CTNNA3: variants seen among roughly 807,000 people sequenced by gnomAD.
CTNNA3 encodes the protein catenin alpha-3.
A neutral mutation model predicts 95.7 loss-of-function variants in CTNNA3; 76 were observed. That is an observed-to-expected ratio of 0.79 (90% CI 0.66 to 0.96). The LOEUF (loss-of-function observed/expected upper bound fraction) is 0.96, where lower values mean the gene tolerates loss of function less well. CTNNA3 is among the 40% of genes least tolerant of loss of function. The probability of loss-of-function intolerance (pLI) is 0.00; values close to 1 mark genes in which losing one functional copy is unlikely to be tolerated. For missense variants in CTNNA3, 1,191 were observed against 1,089.8 expected (o/e 1.09, Z -1.31); for synonymous variants, 431 against 374.4 (o/e 1.15, Z -1.74).
intron 9 of CTNNA3, among the ~76,000 whole-genome samples, chr10:66,707,450 C>T (rs9633545): frequency 0.032 from 4,907 of 151,818 alleles, 210 homozygotes; most frequent in East Asian, 0.22. Flanking sequence ...GGGCAGGGCT[C>T]CCTCTTACAC....
At chr10:66,374,576 G>A (rs1444506424) in intron 12 of CTNNA3, among the ~76,000 whole-genome samples, 2 of 135,844 alleles carry the variant, frequency 1.5e-5, no homozygotes, top group Non-Finnish European at 3.2e-5. Context: ...TTTTTCTCCT[G>A]TAGCTCATAT....
At chr10:67,019,976 G>C (rs1852896663) in intron 7 of CTNNA3, among the ~76,000 whole-genome samples, 1 of 149,502 alleles carries the variant, frequency 6.7e-6, no homozygotes. Context: ...TACCTCACCT[G>C]TGATGCATTT....
In CTNNA3 at chr10:66,331,740, C is replaced by A. The variant is rs1277644462; in HGVS notation, c.1732+47412G>T. Among the ~76,000 whole-genome samples the A allele has an allele frequency of 1.3e-5, 2 of 151,864 alleles. 1 individual carries two copies. Among genetic ancestry groups the A allele is most frequent in the Non-Finnish European group, 2.9e-5 (2 of 67,922 alleles). On this transcript the variant is annotated intron_variant, in intron 12 of 17. Transcript: ENST00000433211. The stretch of plus-strand genomic sequence containing the variant: ...TAGTTTGAAGTCAGGTAGCGTGATG[C>A]CTCTGGCTTTGTTCTTTTGGCTTAG...
At chr10:66,685,327 A>G (rs1005715834) in intron 9 of CTNNA3, among the ~76,000 whole-genome samples, 1,190 of 14,732 alleles carry the variant, frequency 0.081, 49 homozygotes, top group African/African-American at 0.21. Flanking sequence ...GTATGTGTGT[A>G]TATATATATA....
At chr10:67,233,043 C>T (rs1021691322) in intron 5 of CTNNA3, among the ~76,000 whole-genome samples, 9 of 152,200 alleles carry the variant, frequency 5.9e-5, no homozygotes, top group African/African-American at 1.7e-4. Context: ...GAGACTTAGA[C>T]TCCCACACAA....
At chr10:66,933,018 C>T (rs147093984) in intron 7 of CTNNA3, among the ~76,000 whole-genome samples, 2 of 152,278 alleles carry the variant, frequency 1.3e-5, no homozygotes, top group African/African-American at 4.8e-5. Context: ...CAGATGTGTA[C>T]TATTGACTGC....
intron 1 of CTNNA3, among the ~76,000 whole-genome samples, chr10:67,713,318 G>A (rs1269105378): frequency 6.6e-6 from 1 of 152,182 alleles, no homozygotes; most frequent in African/African-American, 2.4e-5. Flanking sequence ...AAATAGGAAT[G>A]CTTTAACACT....
intron 7 of CTNNA3, among the ~76,000 whole-genome samples, chr10:66,812,944 C>A (rs1283022355): frequency 1.3e-5 from 2 of 152,088 alleles, no homozygotes; most frequent in African/African-American, 2.4e-5. Context: ...TTTTCTCTCA[C>A]TATTTTGTTG....
At chr10:66,943,519 CTTT>C (rs34477836) in intron 7 of CTNNA3, among the ~76,000 whole-genome samples, 2 of 141,502 alleles carry the variant, frequency 1.4e-5, no homozygotes, top group Non-Finnish European at 3.1e-5. Context: ...TTCCCCCACC[CTTT>C]TTTTTTTTTT....
chr10:66,318,004 G>T lies in CTNNA3; in HGVS notation c.1733-37383C>A, dbSNP rs529634814. Reference sequence around the variant, plus strand: ...AAAAGACAAAGCAAAATATGAAAAAGGTGGAAAGCATTATGGTATGTGGTT... The same window carrying T: ...AAAAGACAAAGCAAAATATGAAAAATGTGGAAAGCATTATGGTATGTGGTT... On this transcript the variant is annotated intron_variant, in intron 12 of 17. Transcript: ENST00000433211. 5.3e-5 allele frequency among the ~76,000 whole-genome samples: 8 copies of T among 152,124 alleles called. No homozygotes were observed. In the East Asian group the frequency reaches 1.5e-3, roughly 29 times the overall value.
intron 5 of CTNNA3, among the ~76,000 whole-genome samples, chr10:67,433,968 C>T (rs774361233): frequency 6.6e-6 from 1 of 152,024 alleles, no homozygotes; most frequent in Non-Finnish European, 1.5e-5. Flanking sequence ...TCCAACACAC[C>T]CTTTCTCACC....
chr10:66,170,757 A>G (rs890984431), intron 13 of CTNNA3, among the ~76,000 whole-genome samples: 2 of 151,540 alleles, frequency 1.3e-5, no homozygotes, highest in African/African-American at 2.4e-5. Flanking sequence ...ACTGGGTAAA[A>G]GTGAAGGGTA....
At chr10:67,559,772 C>T (rs915894468) in intron 3 of CTNNA3, among the ~76,000 whole-genome samples, 2 of 151,932 alleles carry the variant, frequency 1.3e-5, no homozygotes, top group Non-Finnish European at 2.9e-5. Context: ...CTAGAATAAC[C>T]AATACAGAGA....
intron 10 of CTNNA3, among the ~76,000 whole-genome samples, chr10:66,553,202 G>A (rs947624573): frequency 6.6e-6 from 1 of 151,694 alleles, no homozygotes; most frequent in Non-Finnish European, 1.5e-5. Context: ...AAGTAGTATG[G>A]TTTTTATCTT....
At position 66,153,848 on chromosome 10, in the gene CTNNA3, T is replaced by TACACACACAC. The variant is rs148457020; in HGVS notation, c.1885-50609_1885-50600dup. On this transcript the variant is annotated intron_variant, in intron 13 of 17. Coordinates refer to ENST00000433211, the MANE Select transcript of CTNNA3 (RefSeq NM_013266.4). The stretch of plus-strand genomic sequence containing the variant: ...TGCCTCTGATACTTAATAATTTGTT[T>TACACACACAC]ACACACACACACACACACACACACA... 6.1e-3 allele frequency among the ~76,000 whole-genome samples: 913 copies of TACACACACAC among 149,056 alleles called. 5 individuals are homozygous for TACACACACAC. Among genetic ancestry groups the TACACACACAC allele is most frequent in the African/African-American group, 0.02 (831 of 40,600 alleles).
chr10:67,626,596 G>A (rs555235114), intron 2 of CTNNA3, among the ~76,000 whole-genome samples: 1 of 152,286 alleles, frequency 6.6e-6, no homozygotes, highest in Admixed American at 6.5e-5. Flanking sequence ...AGCCTCTTGA[G>A]AACCACAACA....
chr10:67,303,673 A>G (rs1840419958), intron 5 of CTNNA3, among the ~76,000 whole-genome samples: 1 of 152,250 alleles, frequency 6.6e-6, no homozygotes, highest in Non-Finnish European at 1.5e-5. Context: ...ATGGTTAGTG[A>G]CCAACCCCTT....
intron 3 of CTNNA3, among the ~76,000 whole-genome samples, chr10:67,581,423 T>A (rs571686092): frequency 6.6e-6 from 1 of 152,318 alleles, no homozygotes; most frequent in South Asian, 2.1e-4. Flanking sequence ...TTCATCACGG[T>A]GGATAAGCTT....
chr10:66,866,578 G>A (rs73325518), intron 7 of CTNNA3, among the ~76,000 whole-genome samples: 1 of 152,226 alleles, frequency 6.6e-6, no homozygotes, highest in East Asian at 1.9e-4. Flanking sequence ...TTTGAAACAC[G>A]TATTTTATTT....
Sources: allele counts gnomAD v4.1 joint callset (sites outside exome capture counted in the v4.1 genomes callset), GRCh38; gene constraint gnomAD v4.1.1; transcripts MANE v1.5; gene names NCBI Gene and HGNC (gene_info 2026-07-23, HGNC 2026-07-21).